The following ZNF391 variants were observed in gnomAD, a reference collection of about 807,000 sequenced individuals.
ZNF391 encodes zinc finger protein 391.
For synonymous variants in ZNF391, 126 were observed against 142.1 expected, an observed-to-expected ratio of 0.89 and a Z score of 0.80; for missense variants, 375 against 425.5, an observed-to-expected ratio of 0.88 and a Z score of 1.04.
intron 1 of ZNF391, among the ~76,000 whole-genome samples, chr6:27,381,521 C>A (rs951089499): frequency 1.4e-4 from 21 of 152,256 alleles, no homozygotes; most frequent in African/African-American, 5.1e-4. Context: ...CAGCGGCGGG[C>A]TGAAGGGCTC....
chr6:27,381,405 CCG>C (rs1462346527), intron 1 of ZNF391, among the ~76,000 whole-genome samples: 1 of 152,058 alleles, frequency 6.6e-6, no homozygotes, highest in Non-Finnish European at 1.5e-5. Flanking sequence ...CCCCCAAGCA[CCG>C]CGCGCAGCCC....
upstream of ZNF391, among the ~76,000 whole-genome samples, chr6:27,386,640 G>A (rs1179737215): frequency 2.0e-5 from 3 of 152,060 alleles, no homozygotes; most frequent in African/African-American, 7.2e-5. Flanking sequence ...CAAGTGCCAA[G>A]ACCATTCAAT....
chr6:27,381,115 G>A (rs1348336605), intron 1 of ZNF391, among the ~76,000 whole-genome samples: 4 of 152,252 alleles, frequency 2.6e-5, no homozygotes, highest in African/African-American at 9.6e-5. Flanking sequence ...CGTGGAGCAG[G>A]GGGCGGCGCT....
Position 27,402,210 on chromosome 6 carries a change from C to T in ZNF391, c.*763C>T, listed in dbSNP as rs1377776442. ...CCATGATCTTGGGAAAAAAAGTTGC[C>T]AAATGCTGTGCTGTTTTTTTTGTTT... On this transcript the variant is annotated 3_prime_UTR_variant, in exon 3 of 3. Coordinates refer to ENST00000244576, the MANE Select transcript of ZNF391 (RefSeq NM_001076781.3). 1 of 152,084 alleles carries T rather than the reference C, an allele frequency of 6.6e-6. No homozygotes were observed. The highest frequency in any genetic ancestry group is 1.5e-5 in the Non-Finnish European group (1 of 68,000). 9.4% of individuals were successfully genotyped at this position (152,084 alleles called of 1,614,324 possible).
Position 27,401,522 on chromosome 6 carries a change from A to G in ZNF391, c.*75A>G, listed in dbSNP as rs948842154. The G allele has an allele frequency of 2.6e-5, 29 of 1,111,456 alleles. No individual in the cohort carries two copies. In the Middle Eastern group the frequency reaches 7.4e-4, roughly 28 times the overall value. The allele number at this position is 1,111,456 out of a possible 1,614,324, so 68.8% of individuals were successfully genotyped here. On this transcript the variant is annotated 3_prime_UTR_variant, in exon 3 of 3. Coordinates refer to ENST00000244576, the MANE Select transcript of ZNF391 (RefSeq NM_001076781.3). ...CCACCACTGAAATATATATATTTCA[A>G]GTATATATATACTTGTTCTAATTTT... is the stretch of plus-strand genomic sequence containing the variant.
intron 1 of ZNF391, among the ~76,000 whole-genome samples, chr6:27,398,654 C>G (rs1003339440): frequency 3.3e-5 from 5 of 152,060 alleles, no homozygotes; most frequent in Admixed American, 2.6e-4. Context: ...GTCAGGAGAT[C>G]GAGACCATCC....
upstream of ZNF391, among the ~76,000 whole-genome samples, chr6:27,384,486 G>A (rs200428401): frequency 2.3e-4 from 4 of 17,460 alleles, no homozygotes. Flanking sequence ...AAAAAAAAGA[G>A]AGAGAGAGAG....
chr6:27,387,311 C>A (rs1761599018), upstream of ZNF391, among the ~76,000 whole-genome samples: 1 of 152,118 alleles, frequency 6.6e-6, no homozygotes, highest in Non-Finnish European at 1.5e-5. Context: ...CTCTAGAAAG[C>A]TGATTGCAGA....
In ZNF391 at chr6:27,388,864, A is replaced by C; in HGVS notation, c.-399A>C. ...GCATACCGAGCAGAGCATGATCAGC[A>C]GCAGTCTGAGTGGAAGAGTGCCTGT... On this transcript the variant is annotated 5_prime_UTR_variant, in exon 1 of 3. Transcript: ENST00000244576. 2.2e-6 allele frequency: 1 copy of C among 454,328 alleles called. No individual in the cohort carries two copies. The highest frequency in any genetic ancestry group is 1.6e-5 in the South Asian group (1 of 64,156). 28.1% of individuals were successfully genotyped at this position (454,328 alleles called of 1,614,324 possible).
chr6:27,390,392 G>A (rs1761677692), intron 1 of ZNF391, among the ~76,000 whole-genome samples: 2 of 152,172 alleles, frequency 1.3e-5, no homozygotes. Context: ...TAATGATTTT[G>A]TAGGGATACA....
chr6:27,388,933 A>G lies in ZNF391; in HGVS notation c.-330A>G. On this transcript the variant is annotated 5_prime_UTR_variant, in exon 1 of 3. It removes an upstream start codon present in the reference 5' UTR. Coordinates refer to ENST00000244576, the MANE Select transcript of ZNF391 (RefSeq NM_001076781.3). ...GGGCGTTGGAGCAGCGGTTCGACGC[A>G]TGGGTTTCTCTTTAATCCTTCCGAC... 2.2e-6 allele frequency: 1 copy of G among 456,340 alleles called. No individual in the cohort carries two copies. Among genetic ancestry groups the G allele is most frequent in the Non-Finnish European group, 4.4e-6 (1 of 226,864 alleles). 28.3% of individuals were successfully genotyped at this position (456,340 alleles called of 1,614,324 possible). A position where few individuals can be genotyped will look rare whatever the true frequency, so the allele number is the denominator to read the frequency against.
At chr6:27,379,018 C>A (rs1489114820) in intron 1 of ZNF391, among the ~76,000 whole-genome samples, 1 of 152,078 alleles carries the variant, frequency 6.6e-6, no homozygotes, top group Non-Finnish European at 1.5e-5. Flanking sequence ...TTTATTTGAA[C>A]CCTTGCTCTT....
intron 1 of ZNF391, among the ~76,000 whole-genome samples, chr6:27,377,271 A>G (rs1211859263): frequency 6.6e-6 from 1 of 152,234 alleles, no homozygotes; most frequent in Non-Finnish European, 1.5e-5. Context: ...ATTGGAAACA[A>G]CAGAGGAGAC....
chr6:27,392,349 A>G (rs7738512), intron 1 of ZNF391, among the ~76,000 whole-genome samples: 107,391 of 151,986 alleles, frequency 0.71, 38,173 homozygotes, highest in Middle Eastern at 0.8. Flanking sequence ...TCTACCTCCC[A>G]GGTTCAAGCA....
At chr6:27,397,827 A>C (rs563932795) in intron 1 of ZNF391, among the ~76,000 whole-genome samples, 18 of 152,084 alleles carry the variant, frequency 1.2e-4, no homozygotes, top group Non-Finnish European at 2.4e-4. Context: ...ATGGGGTTTC[A>C]CCATGTTGGC....
chr6:27,375,343 T>C (rs1581520821), intron 1 of ZNF391, among the ~76,000 whole-genome samples: 1 of 152,232 alleles, frequency 6.6e-6, no homozygotes, highest in South Asian at 2.1e-4. Context: ...TTGGGAGGTG[T>C]AGGCATGGCG....
chr6:27,394,341 C>A (rs941894390), intron 1 of ZNF391, among the ~76,000 whole-genome samples: 2 of 152,246 alleles, frequency 1.3e-5, no homozygotes, highest in African/African-American at 4.8e-5. Flanking sequence ...GTTGCTCAGG[C>A]TCCAGCCATG....
chr6:27,379,718 A>G (rs1761469783), intron 1 of ZNF391, among the ~76,000 whole-genome samples: 1 of 152,238 alleles, frequency 6.6e-6, no homozygotes, highest in Non-Finnish European at 1.5e-5. Flanking sequence ...AAAAGGAACC[A>G]TTTTGAAATA....
At chr6:27,375,342 G>A (rs1304365360) in intron 1 of ZNF391, among the ~76,000 whole-genome samples, 1 of 152,228 alleles carries the variant, frequency 6.6e-6, no homozygotes, top group Non-Finnish European at 1.5e-5. Context: ...ATTGGGAGGT[G>A]TAGGCATGGC....
Sources: gnomAD v4.1 joint callset for allele counts (sites outside exome capture counted in the v4.1 genomes callset) on GRCh38, gnomAD v4.1.1 for gene constraint, MANE v1.5 for transcripts, NCBI Gene and HGNC (gene_info 2026-07-23, HGNC 2026-07-21) for gene names.